Variants in SLX9 observed in about 807,000 individuals in gnomAD.
SLX9 encodes the protein ribosome biogenesis protein SLX9 homolog.
A neutral mutation model predicts 20.8 loss-of-function variants in SLX9; 19 were observed. The observed-to-expected ratio is 0.91, with a 90% CI of 0.64 to 1.34. The LOEUF is 1.34. Ranked by LOEUF, SLX9 falls within the 40% of genes most tolerant of loss-of-function variation. The pLI is 0.00. For missense variants in SLX9, 299 were observed against 322.2 expected (o/e 0.93, Z 0.55); for synonymous variants, 113 against 137.1 (o/e 0.82, Z 1.23).
intron 1 of SLX9, among the ~76,000 whole-genome samples, chr21:44,941,037 T>C (rs2084536858): frequency 6.8e-6 from 1 of 147,658 alleles, no homozygotes; most frequent in Non-Finnish European, 1.5e-5. Context: ...GAAATTTTCA[T>C]TTTTTTTGAC....
intron 2 of SLX9, among the ~76,000 whole-genome samples, chr21:44,959,672 C>G (rs1037027322): frequency 6.6e-6 from 1 of 152,244 alleles, no homozygotes; most frequent in African/African-American, 2.4e-5. Context: ...CGTCGCTGGG[C>G]CTGACGTGAC....
intron 2 of SLX9, among the ~76,000 whole-genome samples, chr21:44,949,208 G>T (rs111812234): frequency 6.2e-4 from 95 of 152,224 alleles, no homozygotes; most frequent in Non-Finnish European, 7.4e-4. Context: ...GCTTGCTCCC[G>T]CTCCTGCTGG....
intron 2 of SLX9, among the ~76,000 whole-genome samples, chr21:44,947,279 G>A (rs980128768): frequency 6.6e-6 from 1 of 152,200 alleles, no homozygotes; most frequent in Non-Finnish European, 1.5e-5. Context: ...GTGAGGTGGC[G>A]GCCTGTGGGT....
At chr21:44,970,649 A>G (rs2085126440) in intron 4 of SLX9, among the ~76,000 whole-genome samples, 1 of 152,104 alleles carries the variant, frequency 6.6e-6, no homozygotes, top group Admixed American at 6.5e-5. Flanking sequence ...CCCACTGACC[A>G]CCACTCTTGG....
intron 3 of SLX9, among the ~76,000 whole-genome samples, chr21:44,965,805 G>T (rs1432850253): frequency 6.6e-6 from 1 of 152,230 alleles, no homozygotes; most frequent in Non-Finnish European, 1.5e-5. Context: ...GCTTTTCCTG[G>T]CCTGGGTCTG....
chr21:44,958,415 C>T (rs1246933378), intron 2 of SLX9: 1 of 152,350 alleles, frequency 6.6e-6, no homozygotes, highest in Non-Finnish European at 1.5e-5. Context: ...GTGTGCTGGC[C>T]TTGTCGTAGG....
intron 4 of SLX9, among the ~76,000 whole-genome samples, chr21:44,968,213 C>T (rs560912714): frequency 6.8e-6 from 1 of 146,244 alleles, no homozygotes; most frequent in East Asian, 1.9e-4. Flanking sequence ...CCCAGTGACG[C>T]AACCCCCAGT....
At chr21:44,945,140 G>A (rs530175859) in intron 2 of SLX9, among the ~76,000 whole-genome samples, 13 of 152,282 alleles carry the variant, frequency 8.5e-5, no homozygotes, top group Admixed American at 2.0e-4. Context: ...TCCACAAAGC[G>A]GCGACAGACA....
chr21:44,950,498 C>A (rs141609302), intron 2 of SLX9, among the ~76,000 whole-genome samples: 1 of 152,210 alleles, frequency 6.6e-6, no homozygotes, highest in Non-Finnish European at 1.5e-5. Context: ...TTCTTACCTG[C>A]GCTCCTGCAG....
intron 2 of SLX9, among the ~76,000 whole-genome samples, chr21:44,956,011 G>A (rs1427959647): frequency 2.0e-5 from 3 of 152,248 alleles, no homozygotes; most frequent in Admixed American, 6.5e-5. Flanking sequence ...TGATGCGGAC[G>A]CCAGCCTGCG....
chr21:44,964,618 G>C (rs2085001496), intron 3 of SLX9, among the ~76,000 whole-genome samples: 1 of 152,198 alleles, frequency 6.6e-6, no homozygotes, highest in Non-Finnish European at 1.5e-5. Flanking sequence ...TGCCCTGTGG[G>C]CGGGAGGGTG....
At position 44,940,136 on chromosome 21, in the gene SLX9, G is replaced by A. The variant is rs2084511442; in HGVS notation, c.79G>A (p.Ala27Thr). 4 of 1,349,872 alleles carry A rather than the reference G, an allele frequency of 3.0e-6. No homozygotes were observed. Among genetic ancestry groups the A allele is most frequent in the East Asian group, 3.1e-5 (1 of 32,046 alleles). The allele number at this position is 1,349,872 out of a possible 1,614,324, so 83.6% of individuals were successfully genotyped here. Residue 27 changes from alanine (A) to threonine (T), a missense_variant, in exon 1 of 6, where the codon GCG (alanine) becomes ACG (threonine). Ala to Thr is a moderately conservative substitution (Grantham distance 58). Transcript: ENST00000291634. The stretch of plus-strand genomic sequence containing the variant: ...GAAAGGGGAGGCCGCCCCCGGCCCC[G>A]CGCCCCCTGCCCCGGAGGCGACCCC... ...RPKGEAAPGP[A>T]PPAPEATPPP...
intron 5 of SLX9, among the ~76,000 whole-genome samples, chr21:44,974,252 G>T (rs1472168928): frequency 6.6e-6 from 1 of 151,826 alleles, no homozygotes; most frequent in African/African-American, 2.4e-5. Context: ...TTTTGTGTCA[G>T]TTCTACCGAG....
intron 2 of SLX9, among the ~76,000 whole-genome samples, chr21:44,946,840 CAG>C (rs2084652038): frequency 6.6e-6 from 1 of 152,220 alleles, no homozygotes; most frequent in Non-Finnish European, 1.5e-5. Context: ...TGGGACCTCA[CAG>C]AGGGCTCAGA....
intron 4 of SLX9, among the ~76,000 whole-genome samples, chr21:44,972,436 C>T (rs2085168247): frequency 6.6e-6 from 1 of 152,188 alleles, no homozygotes; most frequent in Admixed American, 6.5e-5. Flanking sequence ...CCCGCCCGTG[C>T]CCTTAGTCAA....
chr21:44,940,208 C>T (rs764012529), intron 1 of SLX9, 22 bp downstream of exon 1: 1 of 1,222,480 alleles, frequency 8.2e-7, no homozygotes, highest in Non-Finnish European at 1.0e-6. Flanking sequence ...AGGCGCTGGC[C>T]GGGGGCTGCC....
At chr21:44,958,081 T>G (rs2084890421) in intron 2 of SLX9, among the ~76,000 whole-genome samples, 1 of 152,240 alleles carries the variant, frequency 6.6e-6, no homozygotes, top group African/African-American at 2.4e-5. Flanking sequence ...TCTGGCTTGG[T>G]ATTCCTGGTG....
At position 44,940,075 on chromosome 21, in the gene SLX9, G is replaced by A. The variant is rs780640114; in HGVS notation, c.18G>A (p.Gly6=). 7 of 1,461,036 alleles carry A rather than the reference G, an allele frequency of 4.8e-6. No homozygotes were observed. The South Asian group carries it at 5.6e-5, about 12-fold the overall frequency. The allele number at this position is 1,461,036 out of a possible 1,614,324, so 90.5% of individuals were successfully genotyped here. Residue 6 remains glycine, a synonymous_variant, in exon 1 of 6, where the codon GGG becomes GGA. Transcript: ENST00000291634. MGKVR[G]LRARVHQAAV... ...CCGGGAAGATGGGGAAAGTGAGGGG[G>A]TTGCGCGCCCGAGTGCACCAGGCTG...
intron 4 of SLX9, among the ~76,000 whole-genome samples, chr21:44,968,191 ACAACCCCGCCACCCAGTGACG>A (rs1308773400): frequency 1.3e-5 from 2 of 151,236 alleles, no homozygotes; most frequent in African/African-American, 4.9e-5. Flanking sequence ...ACCCAGTGAC[ACAACCCCGCCACCCAGTGACG>A]CAACCCCCAG....
Sources: gnomAD v4.1 joint callset for allele counts (sites outside exome capture counted in the v4.1 genomes callset) on GRCh38, gnomAD v4.1.1 for gene constraint, MANE v1.5 for transcripts, NCBI Gene and HGNC (gene_info 2026-07-23, HGNC 2026-07-21) for gene names.